The following KCNQ1 variants were observed in gnomAD, a reference collection of about 807,000 sequenced individuals.
KCNQ1 encodes potassium voltage-gated channel subfamily KQT member 1.
In KCNQ1, 49 loss-of-function variants were observed where a neutral mutation model predicts 72.4. That is an observed-to-expected ratio of 0.68 (90% CI 0.54 to 0.86). KCNQ1 has a LOEUF of 0.86. Among genes scored for constraint, KCNQ1 ranks in the 40% least tolerant of loss-of-function variants. The probability of loss-of-function intolerance (pLI) is 0.00; values close to 1 mark genes in which losing one functional copy is unlikely to be tolerated. For missense variants in KCNQ1, 790 were observed against 945.1 expected (o/e 0.84, Z 2.15); for synonymous variants, 450 against 412.6 (o/e 1.09, Z -1.10).
chr11:2,510,216 T>G (rs1319763205), intron 1 of KCNQ1, among the ~76,000 whole-genome samples: 1 of 151,848 alleles, frequency 6.6e-6, no homozygotes, highest in Non-Finnish European at 1.5e-5. Flanking sequence ...GAGTTCAAGG[T>G]TGCAGCAAGC....
At chr11:2,629,208 T>C (rs1451084004) in intron 10 of KCNQ1, 2 of 398,284 alleles carry the variant, frequency 5.0e-6, no homozygotes, top group African/African-American at 4.1e-5. Context: ...GCAATATTTA[T>C]TCTATTGATC....
Position 2,508,022 on chromosome 11 carries a change from C to T in KCNQ1, c.387-19906C>T, listed in dbSNP as rs179416. The stretch of plus-strand genomic sequence containing the variant: ...TCTGGGTCCTGGTGGGTCCCAGCCC[C>T]GTACATGGAGGCTGGGACCCTGCCC... On this transcript the variant is annotated intron_variant, in intron 1 of 15. Coordinates refer to ENST00000155840, the MANE Select transcript of KCNQ1 (RefSeq NM_000218.3). This position sits in a 1 kb window ranked among gnomAD's most constrained non-coding sequence, Gnocchi z 6.2. 3.3e-5 allele frequency among the ~76,000 whole-genome samples: 5 copies of T among 152,040 alleles called. No homozygotes were observed. The highest frequency in any genetic ancestry group is 7.4e-5 in the Non-Finnish European group (5 of 67,984).
chr11:2,698,605 A>G lies in KCNQ1; in HGVS notation c.1514+36524A>G. The G allele has an allele frequency of 2.5e-6, 1 of 398,364 alleles. No homozygotes were observed. The highest frequency in any genetic ancestry group is 4.4e-6 in the Non-Finnish European group (1 of 226,026). 24.7% of individuals were successfully genotyped at this position (398,364 alleles called of 1,614,324 possible). A position where few individuals can be genotyped will look rare whatever the true frequency, so the allele number is the denominator to read the frequency against. ...ACCTAGAGGCAGAACTTCGACTTCA[A>G]TTCCTGACTCCCATACCCCACTGAG... On this transcript the variant is annotated intron_variant, in intron 11 of 15. Coordinates refer to ENST00000155840, the MANE Select transcript of KCNQ1 (RefSeq NM_000218.3). This position sits in a 1 kb window ranked among gnomAD's most constrained non-coding sequence, Gnocchi z 5.1.
At chr11:2,744,415 C>T (rs1590064700) in intron 11 of KCNQ1, among the ~76,000 whole-genome samples, 1 of 152,358 alleles carries the variant, frequency 6.6e-6, no homozygotes, top group East Asian at 1.9e-4. Context: ...TCCAGTACTG[C>T]AGAGCATGTG....
At chr11:2,755,218 A>G (rs11023996) in intron 11 of KCNQ1, among the ~76,000 whole-genome samples, 21,078 of 152,008 alleles carry the variant, frequency 0.14, 1,664 homozygotes, top group East Asian at 0.29. Flanking sequence ...GACCACAGCC[A>G]GGAAAGAGCC....
In KCNQ1 at chr11:2,541,592, C is replaced by T. The variant is rs573473231; in HGVS notation, c.477+13574C>T. Among the ~76,000 whole-genome samples the T allele has an allele frequency of 5.0e-4, 76 of 152,060 alleles. 4 individuals carry two copies. The South Asian group carries it at 0.014, about 28-fold the overall frequency. On this transcript the variant is annotated intron_variant, in intron 2 of 15. Coordinates refer to ENST00000155840, the MANE Select transcript of KCNQ1 (RefSeq NM_000218.3). This position sits in a 1 kb window ranked among gnomAD's most constrained non-coding sequence, Gnocchi z 4.8. ...GACAAAGCCATGGGGACGCCGTTTT[C>T]GGGATGCTTGTGAGCAGGGCTTTGT...
intron 11 of KCNQ1, chr11:2,675,789 C>A: frequency 5.0e-6 from 2 of 398,722 alleles, no homozygotes; most frequent in South Asian, 2.5e-4. Context: ...CTGCTGCCCG[C>A]AGGGCATACC....
rs1339662850 is a variant in KCNQ1, at chr11:2,544,236, ATGTGTG to A, written c.477+16226_477+16231del. On this transcript the variant is annotated intron_variant, in intron 2 of 15. Transcript: ENST00000155840. The surrounding 1 kb of genome is among the most constrained non-coding windows in gnomAD (Gnocchi z 4.4). The stretch of plus-strand genomic sequence containing the variant: ...GAGATTATCTATCTCATATATATAT[ATGTGTG>A]TGTGTGTATATATATATGTGTGTGT... Among the ~76,000 whole-genome samples the A allele has an allele frequency of 6.8e-6, 1 of 146,982 alleles. No homozygotes were observed. Among genetic ancestry groups the A allele is most frequent in the African/African-American group, 2.6e-5 (1 of 38,364 alleles).
At chr11:2,615,778 G>A (rs944047138) in intron 10 of KCNQ1, 1 of 397,734 alleles carries the variant, frequency 2.5e-6, no homozygotes, top group Admixed American at 4.4e-5. Context: ...TGCTGAATTT[G>A]GCTTACTAGT....
intron 11 of KCNQ1, among the ~76,000 whole-genome samples, chr11:2,733,115 C>G (rs1168253062): frequency 6.6e-6 from 1 of 152,282 alleles, no homozygotes; most frequent in African/African-American, 2.4e-5. Context: ...CATCACCCAG[C>G]CTTGCACGTC....
At chr11:2,798,218 G>C (rs1356982648) in intron 15 of KCNQ1, among the ~76,000 whole-genome samples, 1 of 152,196 alleles carries the variant, frequency 6.6e-6, no homozygotes, top group Non-Finnish European at 1.5e-5. Flanking sequence ...AAGAGGAAGG[G>C]GCTGGACCGT....
intron 11 of KCNQ1, chr11:2,694,068 C>G: frequency 2.5e-6 from 1 of 398,692 alleles, no homozygotes. Flanking sequence ...GCAGCTGACA[C>G]GTAGTTCCAA....
intron 15 of KCNQ1, among the ~76,000 whole-genome samples, chr11:2,786,675 T>C (rs1285532090): frequency 6.6e-6 from 1 of 152,098 alleles, no homozygotes; most frequent in African/African-American, 2.4e-5. Flanking sequence ...TTTAATCTGC[T>C]GTTAAAACTG....
Position 2,781,193 on chromosome 11 carries a change from G to A in KCNQ1, c.1794+3156G>A, listed in dbSNP as rs768258186. ...AGATTATTGTCTTCTTTATCCTGGA[G>A]AGGACTCTTATTTGCTCAAATGCCC... On this transcript the variant is annotated intron_variant, in intron 15 of 15. Coordinates refer to ENST00000155840, the MANE Select transcript of KCNQ1 (RefSeq NM_000218.3). The surrounding 1 kb of genome is among the most constrained non-coding windows in gnomAD (Gnocchi z 6.6). Among the ~76,000 whole-genome samples the A allele has an allele frequency of 6.6e-6, 1 of 152,152 alleles. No individual in the cohort carries two copies. Among genetic ancestry groups the A allele is most frequent in the Non-Finnish European group, 1.5e-5 (1 of 68,022 alleles).
chr11:2,671,660 G>A lies in KCNQ1; in HGVS notation c.1514+9579G>A, dbSNP rs1850185552. ...TGTGGTGCCCTGCTGGGGAAACTGA[G>A]GCAGAGAGCAGGGGTGACTTTGCAA... On this transcript the variant is annotated intron_variant, in intron 11 of 15. Transcript: ENST00000155840. The surrounding 1 kb of genome is among the most constrained non-coding windows in gnomAD (Gnocchi z 4.7). 2.6e-6 allele frequency: 1 copy of A among 386,002 alleles called. No homozygotes were observed. The highest frequency in any genetic ancestry group is 4.5e-6 in the Non-Finnish European group (1 of 220,928). The allele number at this position is 386,002 out of a possible 1,614,324, so 23.9% of individuals were successfully genotyped here.
chr11:2,606,548 G>A (rs12287119), intron 10 of KCNQ1, among the ~76,000 whole-genome samples: 1 of 152,098 alleles, frequency 6.6e-6, no homozygotes, highest in Non-Finnish European at 1.5e-5. Context: ...TCTGCCTTTC[G>A]CCATGATTGT....
rs571353431 is a variant in KCNQ1, at chr11:2,826,042, G to A, written c.1795-21725G>A. The stretch of plus-strand genomic sequence containing the variant: ...CATCCTGGAAACGATTTTGTTGTCT[G>A]CAGAGATTATGTGTAACTGCCTGTG... On this transcript the variant is annotated intron_variant, in intron 15 of 15. Coordinates refer to ENST00000155840, the MANE Select transcript of KCNQ1 (RefSeq NM_000218.3). The surrounding 1 kb of genome is among the most constrained non-coding windows in gnomAD (Gnocchi z 4.2). Among the ~76,000 whole-genome samples the A allele has an allele frequency of 6.6e-6, 1 of 152,310 alleles. No individual in the cohort carries two copies. Among genetic ancestry groups the A allele is most frequent in the East Asian group, 1.9e-4 (1 of 5,174 alleles).
rs1056162094 is a variant in KCNQ1 at position 2,593,808 on chromosome 11, C to T, written c.1393+4954C>T. ...AACACACCAAGCCTGGCCTTTCATG[C>T]ACTCCTCCATTCAAAGCCGTGTGTT... On this transcript the variant is annotated intron_variant, in intron 10 of 15. Transcript: ENST00000155840. The surrounding 1 kb of genome is among the most constrained non-coding windows in gnomAD (Gnocchi z 6.9). Among the ~76,000 whole-genome samples, 3 of 152,272 alleles carry T rather than the reference C, an allele frequency of 2.0e-5. No individual in the cohort carries two copies. The highest frequency in any genetic ancestry group is 2.9e-5 in the Non-Finnish European group (2 of 68,028).
At chr11:2,722,632 G>C (rs1845688566) in intron 11 of KCNQ1, among the ~76,000 whole-genome samples, 1 of 152,188 alleles carries the variant, frequency 6.6e-6, no homozygotes, top group African/African-American at 2.4e-5. Flanking sequence ...TGAGAGCGAT[G>C]CCGTAGCCAG....
Sources: gnomAD v4.1 joint callset for allele counts (sites outside exome capture counted in the v4.1 genomes callset) on GRCh38, gnomAD v4.1.1 for gene constraint, Gnocchi (gnomAD v3.1) non-coding constraint, MANE v1.5 for transcripts, NCBI Gene and HGNC (gene_info 2026-07-23, HGNC 2026-07-21) for gene names.